The following NIN variants were observed in gnomAD, a reference collection of about 807,000 sequenced individuals.
NIN encodes the protein ninein.
Under a neutral mutation model 257.6 loss-of-function variants are expected in NIN, and 137 were observed. The observed-to-expected ratio is 0.53, with a 90% confidence interval of 0.46 to 0.61. NIN has a LOEUF of 0.61. Among genes scored for constraint, NIN ranks in the 20% least tolerant of loss-of-function variants. The pLI is 0.00. For missense variants in NIN, 2,439 were observed against 2,501.2 expected (o/e 0.98, Z 0.53); for synonymous variants, 918 against 919.8 (o/e 1.00, Z 0.04).
Position 50,760,282 on chromosome 14 carries a change from A to ATGCCTTTGCTTCATGTTCTCC in NIN, c.1953_1973dup (p.Gln651_Arg657dup). On this transcript the variant is annotated inframe_insertion, in exon 17 of 31. Coordinates refer to ENST00000530997, the MANE Select transcript of NIN (RefSeq NM_020921.4). Reference sequence around the variant, plus strand: ...TTTCTAAGGTGTGCGTTTCGTTCTCATGCCTTTGCTTCATGTTCTCCTGTG... The same window carrying ATGCCTTTGCTTCATGTTCTCC: ...TTTCTAAGGTGTGCGTTTCGTTCTCATGCCTTTGCTTCATGTTCTCCTGCCTTTGCTTCATGTTCTCCTGTG... The ATGCCTTTGCTTCATGTTCTCC allele has an allele frequency of 6.2e-7, 1 of 1,609,506 alleles. No individual in the cohort carries two copies. The highest frequency in any genetic ancestry group is 8.5e-7 in the Non-Finnish European group (1 of 1,179,972).
chr14:50,757,931 C>A lies in NIN; in HGVS notation c.3099G>T (p.Gln1033His), dbSNP rs545955894. Residue 1033 changes from glutamine to histidine, a missense_variant, in exon 18 of 31, where the codon CAG (glutamine) becomes CAT (histidine). Gln to His is a conservative substitution (Grantham distance 24). This residue lies in a region of NIN where 2,043 missense variants were observed against 2,050.2 expected (regional missense o/e 1.00). Transcript: ENST00000530997. ...QQATSPLSML[Q>H]SGCQVIGEEE... ...CCTCTCCTATCACCTGGCAACCACT[C>A]TGAAGCATTGAGAGAGGAGATGTTG... is the stretch of plus-strand genomic sequence containing the variant. 2.5e-6 allele frequency: 4 copies of A among 1,614,216 alleles called. No homozygotes were observed. In the East Asian group the frequency reaches 6.7e-5, roughly 27 times the overall value.
intron 3 of NIN, among the ~76,000 whole-genome samples, chr14:50,807,829 CATTTATATGTCATAAAAG>C (rs1294794986): frequency 6.6e-6 from 1 of 152,130 alleles, no homozygotes. Flanking sequence ...GAGAGGAATT[CATTTATATGTCATAAAAG>C]ATTTATATGT....
chr14:50,772,828 T>C (rs1174198805), intron 8 of NIN, 121 bp downstream of exon 8: 1 of 829,892 alleles, frequency 1.2e-6, no homozygotes, highest in East Asian at 2.6e-5. Flanking sequence ...TTTCTAATTC[T>C]TCTTTTGCTT....
At chr14:50,734,015 G>A (rs2040847666) in intron 28 of NIN, among the ~76,000 whole-genome samples, 1 of 151,856 alleles carries the variant, frequency 6.6e-6, no homozygotes, top group South Asian at 2.1e-4. Context: ...GTTTTTAAAA[G>A]CTACCTTTGC....
rs114179505 is a variant in NIN at position 50,805,200 on chromosome 14, C to T, written c.265+1537G>A. ...TCACGTTAGCTAATATCTACCCTGGCGGTGATGTCAACCATAGCTCTATTC... is the reference window on the plus strand; with the variant it reads ...TCACGTTAGCTAATATCTACCCTGGTGGTGATGTCAACCATAGCTCTATTC... On this transcript the variant is annotated intron_variant, in intron 4 of 30. Transcript: ENST00000530997. Among the ~76,000 whole-genome samples, 621 of 152,114 alleles carry T rather than the reference C, an allele frequency of 4.1e-3. 3 individuals carry two copies. The highest frequency in any genetic ancestry group is 0.014 in the African/African-American group (575 of 41,524).
chr14:50,789,002 G>A (rs542837597), intron 5 of NIN, among the ~76,000 whole-genome samples: 4 of 152,292 alleles, frequency 2.6e-5, no homozygotes, highest in African/African-American at 7.2e-5. Context: ...GTCCAAAAAG[G>A]TGAGCTGAGA....
intron 28 of NIN, among the ~76,000 whole-genome samples, chr14:50,731,914 T>A (rs910573262): frequency 6.6e-6 from 1 of 152,250 alleles, no homozygotes; most frequent in Non-Finnish European, 1.5e-5. Flanking sequence ...CAGAATGCAG[T>A]ATAAACTATA....
rs538076717 is a variant in NIN, at chr14:50,769,765, GT to G, written c.1434+622del. ...GATATGCCTGCCTCGGCCTCTGAAA[GT>G]GCTGGGATTACAAAACACATTTTTT... On this transcript the variant is annotated intron_variant, in intron 12 of 30. Coordinates refer to ENST00000530997, the MANE Select transcript of NIN (RefSeq NM_020921.4). Among the ~76,000 whole-genome samples, 6 of 152,220 alleles carry G rather than the reference GT, an allele frequency of 3.9e-5. No homozygotes were observed. The East Asian group carries it at 1.2e-3, about 29-fold the overall frequency.
At chr14:50,744,156 G>A (rs776454283) in intron 23 of NIN, 87 bp downstream of exon 23, 1 of 1,413,560 alleles carries the variant, frequency 7.1e-7, no homozygotes, top group Non-Finnish European at 9.8e-7. Flanking sequence ...ACTACCACAG[G>A]AGGCCCCTGT....
At chr14:50,771,995 AC>A in intron 9 of NIN, 1 of 199,482 alleles carries the variant, frequency 5.0e-6, no homozygotes. Flanking sequence ...CAAAAAAAAA[AC>A]AAACAACAAA....
intron 30 of NIN, among the ~76,000 whole-genome samples, chr14:50,725,534 T>C (rs2040376144): frequency 6.6e-6 from 1 of 152,058 alleles, no homozygotes; most frequent in Non-Finnish European, 1.5e-5. Flanking sequence ...ATCCCCCTAT[T>C]TTTTTAACCA....
intron 3 of NIN, among the ~76,000 whole-genome samples, chr14:50,811,660 G>A (rs1194475192): frequency 6.9e-6 from 1 of 144,196 alleles, no homozygotes; most frequent in Non-Finnish European, 1.5e-5. Flanking sequence ...AGCACTTTGT[G>A]AGGCCAAAGC....
In NIN at chr14:50,757,518, T is replaced by G. The variant is rs746671295; in HGVS notation, c.3512A>C (p.Glu1171Ala). The change falls in exon 18 of 31, where the codon GAG (glutamate) becomes GCG (alanine). Residue 1171 changes from glutamate to alanine, a missense_variant. By Grantham distance (107) the Glu-to-Ala change is moderately radical (BLOSUM62 -1). Transcript: ENST00000530997. Reference sequence around the variant, plus strand: ...ACCCTCTACTGAAGCTTCAGACTCCTCTATTTTGACTTCCTGTCTCTGAAC... The same window carrying G: ...ACCCTCTACTGAAGCTTCAGACTCCGCTATTTTGACTTCCTGTCTCTGAAC... ...SSVQRQEVKI[E>A]ESEASVEGFS... 1 of 1,614,040 alleles carries G rather than the reference T, an allele frequency of 6.2e-7. No individual in the cohort carries two copies. The highest frequency in any genetic ancestry group is 8.5e-7 in the Non-Finnish European group (1 of 1,179,974).
At chr14:50,820,838 C>A (rs2045180167) in intron 3 of NIN, among the ~76,000 whole-genome samples, 1 of 152,158 alleles carries the variant, frequency 6.6e-6, no homozygotes, top group South Asian at 2.1e-4. Flanking sequence ...ACATGAATTT[C>A]AGGATGATGG....
chr14:50,813,643 T>C (rs2044744858), intron 3 of NIN, among the ~76,000 whole-genome samples: 1 of 152,158 alleles, frequency 6.6e-6, no homozygotes, highest in Non-Finnish European at 1.5e-5. Context: ...AAAAAAACCC[T>C]GTAACAGGAA....
Position 50,738,213 on chromosome 14 carries a change from G to A in NIN, c.5702C>T (p.Thr1901Ile), listed in dbSNP as rs755122150. Residue 1901 changes from threonine to isoleucine, a missense_variant, in exon 27 of 31, where the codon ACA (threonine) becomes ATA (isoleucine). By Grantham distance (89) the Thr-to-Ile change is moderately conservative. Around this residue, in one of 3 missense-constraint regions of NIN, gnomAD observed 2,043 missense variants for 2,050.2 expected, o/e 1.00. Transcript: ENST00000530997. ...CTTTAAGCTCAATTTTTCTTGCTCT[G>A]TGGGATTCATGGTACCTGATGGGTT... ...HLNPSGTMNP[T>I]EQEKLSLKRE... 6.2e-6 allele frequency: 10 copies of A among 1,613,924 alleles called. No individual in the cohort carries two copies. The Middle Eastern group carries it at 4.9e-4, about 80-fold the overall frequency.
At chr14:50,725,258 T>G (rs2040365085) in intron 30 of NIN, among the ~76,000 whole-genome samples, 1 of 152,116 alleles carries the variant, frequency 6.6e-6, no homozygotes, top group South Asian at 2.1e-4. Flanking sequence ...CACATGTTCA[T>G]CTCAGTTTCC....
intron 23 of NIN, 63 bp downstream of exon 23, chr14:50,744,180 G>C: frequency 1.3e-6 from 2 of 1,573,796 alleles, no homozygotes; most frequent in Non-Finnish European, 1.7e-6. Flanking sequence ...ACTGTCCACA[G>C]AGAAAGGTTC....
chr14:50,731,783 G>A (rs191493425), intron 28 of NIN, among the ~76,000 whole-genome samples: 5 of 152,264 alleles, frequency 3.3e-5, no homozygotes, highest in East Asian at 1.9e-4. Context: ...CTGAAATCGC[G>A]CCACTGCATT....
Sources: allele counts gnomAD v4.1 joint callset (sites outside exome capture counted in the v4.1 genomes callset), GRCh38; gene constraint gnomAD v4.1.1; regional missense constraint gnomAD v4.1.1; transcripts MANE v1.5; gene names NCBI Gene and HGNC (gene_info 2026-07-23, HGNC 2026-07-21).